Variants in ANO3 observed in about 807,000 individuals in gnomAD.
ANO3 encodes the protein anoctamin-3.
A neutral mutation model predicts 144.8 loss-of-function variants in ANO3; 99 were observed. The ratio of observed to expected loss-of-function variants is 0.68; its 90% CI spans 0.58 to 0.81. The LOEUF (loss-of-function observed/expected upper bound fraction) is 0.81, where lower values mean the gene tolerates loss of function less well. Among genes scored for constraint, ANO3 ranks in the 30% least tolerant of loss-of-function variants. The pLI is 0.00. For missense variants in ANO3, 905 were observed against 1,202.2 expected (o/e 0.75, Z 3.66); for synonymous variants, 414 against 392.6 (o/e 1.05, Z -0.64).
Position 26,547,488 on chromosome 11 carries a change from A to C in ANO3, c.1227A>C (p.Ala409=). Residue 409 remains alanine, a synonymous_variant, in exon 12 of 27, where the codon GCA becomes GCC. Transcript: ENST00000256737. Reference sequence around the variant, plus strand: ...GGTATACTGGAATGTTGATTCCTGCAGCAATTGTTGGTTTGTGCGTTTTCT... The same window carrying C: ...GGTATACTGGAATGTTGATTCCTGCCGCAATTGTTGGTTTGTGCGTTTTCT... ...LGWYTGMLIP[A]AIVGLCVFFY... is the part of the protein sequence containing the mutation. 2 of 1,612,118 alleles carry C rather than the reference A, an allele frequency of 1.2e-6. No homozygotes were observed. The highest frequency in any genetic ancestry group is 1.7e-6 in the Non-Finnish European group (2 of 1,178,578).
At chr11:26,429,415 G>A (rs1278494275) in intron 1 of ANO3, among the ~76,000 whole-genome samples, 1 of 143,302 alleles carries the variant, frequency 7.0e-6, no homozygotes, top group East Asian at 2.0e-4. Flanking sequence ...TTCATATAAA[G>A]ATAACCCCTA....
intron 1 of ANO3, among the ~76,000 whole-genome samples, chr11:26,229,274 C>T (rs919562699): frequency 6.6e-6 from 1 of 152,196 alleles, no homozygotes; most frequent in African/African-American, 2.4e-5. Flanking sequence ...CAACACAATT[C>T]TCCAACATAA....
At chr11:26,392,947 C>T (rs67745155) in intron 1 of ANO3, among the ~76,000 whole-genome samples, 40,365 of 151,808 alleles carry the variant, frequency 0.27, 6,026 homozygotes, top group African/African-American at 0.41. Context: ...TTTAAAAGCA[C>T]GTGAAAATGC....
intron 18 of ANO3, among the ~76,000 whole-genome samples, chr11:26,624,702 A>G (rs1852524077): frequency 6.6e-6 from 1 of 152,230 alleles, no homozygotes. Context: ...AAATATTTTT[A>G]CTAGAAATCA....
intron 1 of ANO3, among the ~76,000 whole-genome samples, chr11:26,367,791 C>A (rs12098873): frequency 0.27 from 40,633 of 152,000 alleles, 6,106 homozygotes; most frequent in African/African-American, 0.41. Context: ...CATCAAGGAG[C>A]TTTCAATAGT....
chr11:26,628,806 G>T (rs774233863), intron 18 of ANO3, among the ~76,000 whole-genome samples: 1 of 152,102 alleles, frequency 6.6e-6, no homozygotes, highest in Non-Finnish European at 1.5e-5. Flanking sequence ...GTGTAAGAGG[G>T]CCTCTTCAAT....
At chr11:26,487,026 G>A (rs141447704) in intron 4 of ANO3, among the ~76,000 whole-genome samples, 10 of 152,312 alleles carry the variant, frequency 6.6e-5, no homozygotes, top group East Asian at 1.9e-4. Flanking sequence ...TGCAAGGAGC[G>A]TTTGGTGACT....
intron 24 of ANO3, 40 bp from the exon 25 acceptor site, chr11:26,656,085 A>G (rs1456564000): frequency 4.2e-6 from 6 of 1,442,594 alleles, no homozygotes; most frequent in Non-Finnish European, 5.8e-6. Flanking sequence ...CTAGAAACGT[A>G]TGAATCTTTG....
intron 18 of ANO3, among the ~76,000 whole-genome samples, chr11:26,627,838 TGTGTGTGTGTGTGTGTGC>T (rs1311659565): frequency 2.1e-5 from 3 of 141,864 alleles, no homozygotes; most frequent in African/African-American, 5.3e-5. Flanking sequence ...TGTGTGTGTG[TGTGTGTGTGTGTGTGTGC>T]GCCTGACATT....
intron 5 of ANO3, among the ~76,000 whole-genome samples, chr11:26,514,484 G>T (rs958185391): frequency 2.0e-5 from 3 of 152,098 alleles, no homozygotes; most frequent in African/African-American, 7.2e-5. Flanking sequence ...GAAAACTGAA[G>T]ATAAGAGGGG....
At chr11:26,242,755 G>C (rs1003850689) in intron 1 of ANO3, among the ~76,000 whole-genome samples, 1 of 152,130 alleles carries the variant, frequency 6.6e-6, no homozygotes. Context: ...TCCCGAAAGT[G>C]TGCATTAAAT....
chr11:26,596,776 G>A (rs1342242941), intron 14 of ANO3, among the ~76,000 whole-genome samples: 2 of 152,218 alleles, frequency 1.3e-5, no homozygotes, highest in Non-Finnish European at 2.9e-5. Context: ...CAGAAGGAGA[G>A]GTAGGGGCAC....
chr11:26,643,836 G>A (rs1235743038), intron 23 of ANO3, among the ~76,000 whole-genome samples: 2 of 152,160 alleles, frequency 1.3e-5, no homozygotes, highest in African/African-American at 4.8e-5. Context: ...CCCGTGGTGT[G>A]AGGACACAGC....
At chr11:26,528,086 C>T (rs1022406156) in intron 7 of ANO3, among the ~76,000 whole-genome samples, 1 of 152,078 alleles carries the variant, frequency 6.6e-6, no homozygotes, top group African/African-American at 2.4e-5. Context: ...TGCAAGACGT[C>T]CAACACAATA....
chr11:26,511,820 T>G (rs752014019), intron 5 of ANO3, among the ~76,000 whole-genome samples: 1 of 152,148 alleles, frequency 6.6e-6, no homozygotes, highest in South Asian at 2.1e-4. Flanking sequence ...TCTTTTAAAC[T>G]ATTGATGCCA....
chr11:26,565,721 A>T (rs765039903), intron 14 of ANO3: 1 of 1,613,334 alleles, frequency 6.2e-7, no homozygotes, highest in East Asian at 2.2e-5. Context: ...CCAAAGAAAT[A>T]GGTTTATTTT....
intron 1 of ANO3, among the ~76,000 whole-genome samples, chr11:26,378,267 G>C (rs1210251253): frequency 1.3e-5 from 2 of 150,344 alleles, no homozygotes; most frequent in Non-Finnish European, 3.0e-5. Context: ...CTGAGGAAGT[G>C]GGTAGAGTTA....
intron 1 of ANO3, among the ~76,000 whole-genome samples, chr11:26,277,203 A>G (rs1384052040): frequency 6.6e-6 from 1 of 152,148 alleles, no homozygotes; most frequent in Admixed American, 6.6e-5. Context: ...TTAAATGAAT[A>G]ACATTTTAAT....
At chr11:26,417,589 C>T (rs532981528) in intron 1 of ANO3, among the ~76,000 whole-genome samples, 1 of 152,066 alleles carries the variant, frequency 6.6e-6, no homozygotes, top group South Asian at 2.1e-4. Flanking sequence ...AGAGGCACAT[C>T]ATAGGAAGAG....
Sources: allele counts gnomAD v4.1 joint callset (sites outside exome capture counted in the v4.1 genomes callset), GRCh38; gene constraint gnomAD v4.1.1; transcripts MANE v1.5; gene names NCBI Gene and HGNC (gene_info 2026-07-23, HGNC 2026-07-21).